CA5B: variants seen among roughly 807,000 people sequenced by gnomAD.
CA5B encodes carbonic anhydrase 5B.
In CA5B, 15 loss-of-function variants were observed where a neutral mutation model predicts 23.1. The ratio of observed to expected loss-of-function variants is 0.65; its 90% CI spans 0.43 to 1.00. The LOEUF (loss-of-function observed/expected upper bound fraction) is 1.00. Ranked by LOEUF, CA5B falls within the 50% of genes least tolerant of loss-of-function variation. The pLI, the probability that CA5B is intolerant of heterozygous loss-of-function variation, is 0.00. For synonymous variants in CA5B, 84 were observed against 98.5 expected (o/e 0.85, Z 0.87); for missense variants, 236 against 252.2 (o/e 0.94, Z 0.43).
chrX:15,777,654 G>C (rs986026807), intron 7 of CA5B, among the ~76,000 whole-genome samples: 9 of 112,213 alleles, frequency 8.0e-5, no homozygotes, highest in African/African-American at 2.6e-4. Flanking sequence ...AGTAATACAA[G>C]TATGGTTCAT....
chrX:15,769,383 G>T (rs1238511799), intron 3 of CA5B: 6 of 508,230 alleles, frequency 1.2e-5, no homozygotes, highest in Non-Finnish European at 1.4e-5. Context: ...ATTTGAATGA[G>T]TGCATATAAG....
At chrX:15,746,419 G>A (rs1931235199) in intron 1 of CA5B, among the ~76,000 whole-genome samples, 1 of 110,628 alleles carries the variant, frequency 9.0e-6, no homozygotes, top group Non-Finnish European at 1.9e-5. Flanking sequence ...TAAATTTAAG[G>A]GTGTACTTTA....
At chrX:15,747,019 A>C (rs1931248104) in intron 1 of CA5B, among the ~76,000 whole-genome samples, 1 of 111,888 alleles carries the variant, frequency 8.9e-6, no homozygotes, top group African/African-American at 3.2e-5. Context: ...CTGCAGAGGC[A>C]GACTCGTCCC....
intron 6 of CA5B, among the ~76,000 whole-genome samples, chrX:15,776,366 A>G (rs1447854736): frequency 9.2e-6 from 1 of 109,137 alleles, no homozygotes; most frequent in Non-Finnish European, 1.9e-5. Flanking sequence ...AAGAAAAAAG[A>G]AAAGAAAATG....
chrX:15,781,953 G>GA lies in CA5B; in HGVS notation c.775-522dup, dbSNP rs1231154554. On this transcript the variant is annotated intron_variant, in intron 7 of 7. Coordinates refer to ENST00000318636, the MANE Select transcript of CA5B (RefSeq NM_007220.4). The stretch of plus-strand genomic sequence containing the variant: ...AAAAAAAAAAAGAAAGAAAGAAAAG[G>GA]AAAAAAAAAAGACGTTTATATTCAT... Among the ~76,000 whole-genome samples, 323 of 103,619 alleles carry GA rather than the reference G, an allele frequency of 3.1e-3. 4 individuals carry two copies. Among genetic ancestry groups the GA allele is most frequent in the Admixed American group, 6.0e-3 (58 of 9,591 alleles). 90.0% of individuals were successfully genotyped at this position (103,619 alleles called of 115,157 possible). A position where few individuals can be genotyped will look rare whatever the true frequency, so the allele number is the denominator to read the frequency against.
chrX:15,762,522 A>G (rs1931625163), intron 2 of CA5B, among the ~76,000 whole-genome samples: 1 of 108,238 alleles, frequency 9.2e-6, no homozygotes, highest in African/African-American at 3.4e-5. Context: ...GCTCACTACA[A>G]TCGCCATCTC....
chrX:15,763,035 A>G (rs1434336620), intron 2 of CA5B: 2 of 256,050 alleles, frequency 7.8e-6, no homozygotes, highest in Non-Finnish European at 1.5e-5. Context: ...ACACCTTAAT[A>G]GATAATCTCC....
At chrX:15,738,381 G>A (rs908904664) in intron 1 of CA5B, 29 bp downstream of exon 1, 1 of 111,474 alleles carries the variant, frequency 9.0e-6, no homozygotes, top group African/African-American at 3.3e-5. Flanking sequence ...GAGGAGTGGG[G>A]GGCGACCAGG....
In CA5B at chrX:15,784,691, C is replaced by T. The variant is rs1932083458; in HGVS notation, c.*2027C>T. The T allele has an allele frequency of 9.0e-6, 1 of 111,707 alleles. No individual in the cohort carries two copies. The highest frequency in any genetic ancestry group is 1.9e-5 in the Non-Finnish European group (1 of 53,188). 9.2% of individuals were successfully genotyped at this position (111,707 alleles called of 1,213,427 possible). A position where few individuals can be genotyped will look rare whatever the true frequency, so the allele number is the denominator to read the frequency against. ...CACTTAAAGATCGTTAGGAAGGAAA[C>T]GGGACTACATCAAACTTAAAAATGT... On this transcript the variant is annotated 3_prime_UTR_variant, in exon 8 of 8. Coordinates refer to ENST00000318636, the MANE Select transcript of CA5B (RefSeq NM_007220.4).
rs762688313 is a variant in CA5B at position 15,788,298 on chromosome X, A to G, written c.*5634A>G. ...TTTCACACTAATGATGATGGTGATG[A>G]GATGATGTAACAGCTAAAGTTTTGG... is the stretch of plus-strand genomic sequence containing the variant. On this transcript the variant is annotated 3_prime_UTR_variant, in exon 8 of 8. Coordinates refer to ENST00000318636, the MANE Select transcript of CA5B (RefSeq NM_007220.4). The G allele has an allele frequency of 1.3e-3, 141 of 112,245 alleles. No individual in the cohort carries two copies. The highest frequency in any genetic ancestry group is 4.6e-3 in the African/African-American group (141 of 30,932). The allele number at this position is 112,245 out of a possible 1,213,427, so 9.3% of individuals were successfully genotyped here. A position where few individuals can be genotyped will look rare whatever the true frequency, so the allele number is the denominator to read the frequency against.
chrX:15,754,316 GT>G (rs1931447761), intron 2 of CA5B, among the ~76,000 whole-genome samples: 1 of 112,847 alleles, frequency 8.9e-6, no homozygotes, highest in African/African-American at 3.2e-5. Context: ...TACTACAGTT[GT>G]TATCATCATC....
At chrX:15,766,458 T>C (rs1359521706) in intron 3 of CA5B, among the ~76,000 whole-genome samples, 1 of 112,129 alleles carries the variant, frequency 8.9e-6, no homozygotes, top group Non-Finnish European at 1.9e-5. Context: ...CCCAAAACCA[T>C]GAACATCTTA....
At chrX:15,747,421 C>A (rs1490610885) in intron 1 of CA5B, among the ~76,000 whole-genome samples, 1 of 109,404 alleles carries the variant, frequency 9.1e-6, no homozygotes, top group African/African-American at 3.3e-5. Context: ...GAGATGAGAT[C>A]AAAGTGTCCT....
chrX:15,759,726 A>G (rs1386604151), intron 2 of CA5B, among the ~76,000 whole-genome samples: 1 of 95,059 alleles, frequency 1.1e-5, no homozygotes, highest in Non-Finnish European at 2.1e-5. Flanking sequence ...GCTAGAAATT[A>G]CTGACACCTT....
intron 2 of CA5B, among the ~76,000 whole-genome samples, chrX:15,760,071 A>G (rs1288387398): frequency 1.1e-4 from 12 of 110,487 alleles, no homozygotes; most frequent in Non-Finnish European, 2.3e-4. Context: ...TCTTAATGAC[A>G]GTATGCCTTT....
intron 1 of CA5B, among the ~76,000 whole-genome samples, chrX:15,744,661 C>G (rs1311265621): frequency 9.0e-6 from 1 of 111,380 alleles, no homozygotes; most frequent in Non-Finnish European, 1.9e-5. Context: ...TCCAATTGTT[C>G]TCTTCAGCAT....
chrX:15,743,706 G>A (rs1233906558), intron 1 of CA5B, among the ~76,000 whole-genome samples: 1 of 111,053 alleles, frequency 9.0e-6, no homozygotes, highest in Non-Finnish European at 1.9e-5. Flanking sequence ...CAGTCTCTTG[G>A]AAGTTCATAT....
At chrX:15,749,098 C>T (rs990342418) in intron 1 of CA5B, among the ~76,000 whole-genome samples, 1 of 111,522 alleles carries the variant, frequency 9.0e-6, no homozygotes, top group Non-Finnish European at 1.9e-5. Context: ...CTCAAGTACT[C>T]AGACTAAACA....
chrX:15,772,755 C>T (rs1047394025), intron 4 of CA5B, 141 bp downstream of exon 4: 3 of 388,003 alleles, frequency 7.7e-6, no homozygotes, highest in Admixed American at 8.3e-5. Flanking sequence ...TCATTCTCAG[C>T]TAAGACATGT....
Sources: gnomAD v4.1 joint callset for allele counts (sites outside exome capture counted in the v4.1 genomes callset) on GRCh38, gnomAD v4.1.1 for gene constraint, MANE v1.5 for transcripts, NCBI Gene and HGNC (gene_info 2026-07-23, HGNC 2026-07-21) for gene names.